MAP3K7: variants seen among roughly 807,000 people sequenced by gnomAD.
The protein encoded by MAP3K7 is mitogen-activated protein kinase kinase kinase 7.
MAP3K7 carries 21 observed loss-of-function variants against 84.8 expected under a neutral mutation model. The ratio of observed to expected loss-of-function variants is 0.25; its 90% confidence interval spans 0.18 to 0.36. MAP3K7 has a LOEUF of 0.36. MAP3K7 is among the 10% of genes least tolerant of loss of function. The pLI is 1.00. For synonymous variants in MAP3K7, 241 were observed against 247.7 expected, an observed-to-expected ratio of 0.97 and a Z score of 0.25; for missense variants, 503 against 747.7, an observed-to-expected ratio of 0.67 and a Z score of 3.82.
rs774865206 is a variant in MAP3K7, at chr6:90,548,146, C to T, written c.981G>A (p.Thr327=). The T allele has an allele frequency of 2.7e-5, 43 of 1,610,978 alleles. No homozygotes were observed. Among genetic ancestry groups the T allele is most frequent in the Middle Eastern group, 1.6e-4 (1 of 6,070 alleles). Reference sequence around the variant, plus strand: ...CCATATTAGTGTCACTTTTGTTACTCGTATTTGTAGAAGCAATGTCCATGA... The same window carrying T: ...CCATATTAGTGTCACTTTTGTTACTTGTATTTGTAGAAGCAATGTCCATGA... The part of the protein sequence containing the change: ...GSFMDIASTN[T]SNKSDTNMEQ... Residue 327 remains threonine (T), a synonymous_variant, in exon 10 of 17, where the codon ACG becomes ACA. Coordinates refer to ENST00000369329, the MANE Select transcript of MAP3K7 (RefSeq NM_145331.3).
intron 13 of MAP3K7, among the ~76,000 whole-genome samples, chr6:90,529,556 G>C (rs1775432806): frequency 6.6e-6 from 1 of 152,122 alleles, no homozygotes; most frequent in Non-Finnish European, 1.5e-5. Flanking sequence ...ACTGTGCTCT[G>C]CCATTTCTAA....
At chr6:90,534,669 G>A (rs1160134425) in intron 13 of MAP3K7, among the ~76,000 whole-genome samples, 1 of 152,160 alleles carries the variant, frequency 6.6e-6, no homozygotes, top group Non-Finnish European at 1.5e-5. Flanking sequence ...AACTTGTGAA[G>A]AAATAAGTAA....
In MAP3K7 at chr6:90,586,358, G is replaced by T. The variant is rs181088616; in HGVS notation, c.120+406C>A. On this transcript the variant is annotated intron_variant, in intron 1 of 16. Transcript: ENST00000369329. The stretch of plus-strand genomic sequence containing the variant: ...CTGCAGTCCGCAGTCCGGCCTGGGC[G>T]ACAGAGCGAGACTCCGTCTCAAAAA... Among the ~76,000 whole-genome samples, 1,106 of 126,080 alleles carry T rather than the reference G, an allele frequency of 8.8e-3. 32 individuals carry two copies. Among genetic ancestry groups the T allele is most frequent in the Admixed American group, 0.072 (792 of 10,952 alleles). The allele number at this position is 126,080 out of a possible 152,430, so 82.7% of individuals were successfully genotyped here. A position where few individuals can be genotyped will look rare whatever the true frequency, so the allele number is the denominator to read the frequency against.
At chr6:90,530,430 A>G (rs1442517185) in intron 13 of MAP3K7, among the ~76,000 whole-genome samples, 1 of 152,204 alleles carries the variant, frequency 6.6e-6, no homozygotes, top group African/African-American at 2.4e-5. Flanking sequence ...AATCTTTTGC[A>G]AAATGATTCT....
chr6:90,552,263 G>GT, intron 7 of MAP3K7, 84 bp from the exon 8 acceptor site: 1 of 1,273,540 alleles, frequency 7.9e-7, no homozygotes, highest in Non-Finnish European at 1.1e-6. Flanking sequence ...TTCCAAAGTG[G>GT]TATTTATTTT....
intron 1 of MAP3K7, among the ~76,000 whole-genome samples, chr6:90,580,785 A>C (rs1171395270): frequency 1.3e-5 from 2 of 152,268 alleles, no homozygotes; most frequent in African/African-American, 4.8e-5. Flanking sequence ...CATTTGTAAA[A>C]AACAGAGGAA....
chr6:90,553,776 A>G (rs1776252846), intron 6 of MAP3K7, among the ~76,000 whole-genome samples, 190 bp from the exon 7 acceptor site: 1 of 152,246 alleles, frequency 6.6e-6, no homozygotes, highest in South Asian at 2.1e-4. Context: ...TTAAGTATCA[A>G]CAATACACTA....
At chr6:90,525,939 C>T (rs983135794) in intron 13 of MAP3K7, among the ~76,000 whole-genome samples, 4 of 152,244 alleles carry the variant, frequency 2.6e-5, no homozygotes, top group Admixed American at 2.0e-4. Context: ...TCGTCAAACT[C>T]CTGGGCTCAA....
At chr6:90,561,525 G>C in intron 4 of MAP3K7, 97 bp downstream of exon 4, 1 of 848,866 alleles carries the variant, frequency 1.2e-6, no homozygotes, top group Non-Finnish European at 1.8e-6. Flanking sequence ...GGACTCTGAC[G>C]GCAAATTGTG....
chr6:90,569,561 AC>A (rs1776832637), intron 2 of MAP3K7, among the ~76,000 whole-genome samples: 1 of 152,004 alleles, frequency 6.6e-6, no homozygotes, highest in Non-Finnish European at 1.5e-5. Context: ...GGTCACTGCA[AC>A]CTCTGCCTCC....
chr6:90,559,953 G>T, intron 5 of MAP3K7, 123 bp downstream of exon 5: 1 of 1,049,170 alleles, frequency 9.5e-7, no homozygotes, highest in Non-Finnish European at 1.4e-6. Context: ...CACTGAGTAA[G>T]CCAAATAGAG....
At chr6:90,536,229 CACA>C (rs1775672199) in intron 13 of MAP3K7, 105 bp downstream of exon 13, 1 of 771,436 alleles carries the variant, frequency 1.3e-6, no homozygotes, top group South Asian at 1.9e-5. Flanking sequence ...ATTTCTCTAT[CACA>C]ACTTTAGGTC....
At position 90,548,121 on chromosome 6, in the gene MAP3K7, C is replaced by G. The variant is rs1776063106; in HGVS notation, c.1006G>C (p.Glu336Gln). The part of the protein sequence containing the change: ...NTSNKSDTNM[E>Q]QVPATNDTIK... ...GTATCATTTGTGGCAGGAACTTGCT[C>G]CATATTAGTGTCACTTTTGTTACTC... Residue 336 changes from glutamate to glutamine, a missense_variant, in exon 10 of 17, where the codon GAG (glutamate) becomes CAG (glutamine). This residue lies in a region of MAP3K7 where 286 missense variants were observed against 313.6 expected (regional missense o/e 0.91). Transcript: ENST00000369329. The G allele has an allele frequency of 1.2e-6, 2 of 1,612,044 alleles. No individual in the cohort carries two copies. Among genetic ancestry groups the G allele is most frequent in the African/African-American group, 2.7e-5 (2 of 74,782 alleles).
At chr6:90,568,698 T>TA in intron 2 of MAP3K7, 75 bp from the exon 3 acceptor site, 1 of 1,066,152 alleles carries the variant, frequency 9.4e-7, no homozygotes, top group South Asian at 1.4e-5. Context: ...ATTAAAATCT[T>TA]ACTGTTGTAC....
At chr6:90,516,805 TAATC>T in intron 16 of MAP3K7, 124 bp from the exon 17 acceptor site, 6 of 660,784 alleles carry the variant, frequency 9.1e-6, no homozygotes, top group Non-Finnish European at 1.5e-5. Context: ...TTAGGTACAC[TAATC>T]AAATATAATT....
At chr6:90,522,176 C>G (rs1177100083) in intron 14 of MAP3K7, among the ~76,000 whole-genome samples, 1 of 152,052 alleles carries the variant, frequency 6.6e-6, no homozygotes, top group East Asian at 1.9e-4. Flanking sequence ...CAAATTATTT[C>G]TAGCAATTGG....
chr6:90,552,039 A>C lies in MAP3K7; in HGVS notation c.867+10T>G, dbSNP rs1020008825. 2.4e-5 allele frequency: 38 copies of C among 1,589,836 alleles called. No individual in the cohort carries two copies. The highest frequency in any genetic ancestry group is 3.2e-5 in the Non-Finnish European group (37 of 1,161,622). ...CCTAAATCCAAAGCCCCTCAAAAGA[A>C]GGATTATACCCGCATCAAGTGAGTC... is the stretch of plus-strand genomic sequence containing the variant. On this transcript the variant is annotated intron_variant, in intron 8 of 16. Transcript: ENST00000369329.
chr6:90,551,364 G>A (rs1218743660), intron 8 of MAP3K7: 2 of 152,090 alleles, frequency 1.3e-5, no homozygotes, highest in Non-Finnish European at 2.9e-5. Flanking sequence ...CACTTTCATA[G>A]ATATTTGAAC....
chr6:90,519,317 T>C lies in MAP3K7; in HGVS notation c.1465A>G (p.Thr489Ala), dbSNP rs1364553569. 1 of 1,566,540 alleles carries C rather than the reference T, an allele frequency of 6.4e-7. No individual in the cohort carries two copies. Among genetic ancestry groups the C allele is most frequent in the East Asian group, 2.4e-5 (1 of 42,004 alleles). ...GGGATGGAGTTATCTGATCCATTGG[T>C]ATCTGGAATTCAAGCATGTATTTTA... ...HPWTPDDSTD[T>A]NGSDNSIPMA... Residue 489 changes from threonine (T) to alanine (A), a missense_variant and splice_region_variant, in exon 15 of 17, where the codon ACC becomes GCC. By Grantham distance (58) the Thr-to-Ala change is moderately conservative. Around this residue, in one of 5 missense-constraint regions of MAP3K7, gnomAD observed 286 missense variants for 313.6 expected, o/e 0.91. Transcript: ENST00000369329.
Sources: gnomAD v4.1 joint callset for allele counts (sites outside exome capture counted in the v4.1 genomes callset) on GRCh38, gnomAD v4.1.1 for gene constraint, gnomAD v4.1.1 regional missense constraint, MANE v1.5 for transcripts, NCBI Gene and HGNC (gene_info 2026-07-23, HGNC 2026-07-21) for gene names.